TBC1D1: variants seen among roughly 807,000 people sequenced by gnomAD.
TBC1D1 encodes the protein TBC1 domain family member 1.
In TBC1D1, 89 loss-of-function variants were observed where a neutral mutation model predicts 125.6. The ratio of observed to expected loss-of-function variants is 0.71; its 90% confidence interval spans 0.60 to 0.85. The LOEUF is 0.85. Ranked by LOEUF, TBC1D1 falls within the 40% of genes least tolerant of loss-of-function variation. The pLI is 0.00. For missense variants in TBC1D1, 1,377 were observed against 1,469.2 expected (o/e 0.94, Z 1.03); for synonymous variants, 565 against 564.1 (o/e 1.00, Z -0.02).
At chr4:37,959,346 T>C (rs1324750282) in intron 2 of TBC1D1, among the ~76,000 whole-genome samples, 1 of 152,194 alleles carries the variant, frequency 6.6e-6, no homozygotes, top group Non-Finnish European at 1.5e-5. Flanking sequence ...AAAATGTTAT[T>C]AAGAAAAATC....
At chr4:38,069,382 A>G (rs150098278) in intron 12 of TBC1D1, among the ~76,000 whole-genome samples, 1 of 152,218 alleles carries the variant, frequency 6.6e-6, no homozygotes, top group Non-Finnish European at 1.5e-5. Context: ...GGGAACGCTC[A>G]GGAAGCAGAT....
At chr4:37,970,807 A>G (rs927361312) in intron 2 of TBC1D1, among the ~76,000 whole-genome samples, 3 of 152,192 alleles carry the variant, frequency 2.0e-5, no homozygotes, top group African/African-American at 7.2e-5. Context: ...AGTGGTTCTG[A>G]TTCACTTGAA....
intron 12 of TBC1D1, among the ~76,000 whole-genome samples, chr4:38,083,274 T>C (rs943188313): frequency 6.6e-5 from 10 of 152,238 alleles, no homozygotes; most frequent in African/African-American, 2.4e-4. Flanking sequence ...CCAATTAATA[T>C]GTGGATTGAC....
intron 15 of TBC1D1, among the ~76,000 whole-genome samples, chr4:38,105,469 C>T (rs944470332): frequency 2.0e-5 from 3 of 152,070 alleles, no homozygotes; most frequent in South Asian, 2.1e-4. Flanking sequence ...TCCAGGATTG[C>T]GTATGCAGGT....
At chr4:37,957,124 A>G (rs1729095073) in intron 2 of TBC1D1, among the ~76,000 whole-genome samples, 1 of 152,160 alleles carries the variant, frequency 6.6e-6, no homozygotes, top group Non-Finnish European at 1.5e-5. Context: ...TCCCTACGTG[A>G]GATGGGAGAA....
At chr4:38,005,647 A>G (rs1739993959) in intron 2 of TBC1D1, among the ~76,000 whole-genome samples, 1 of 152,182 alleles carries the variant, frequency 6.6e-6, no homozygotes, top group Non-Finnish European at 1.5e-5. Flanking sequence ...GGAAAGCTTT[A>G]TCTTTTACCT....
chr4:38,021,170 G>A (rs1025912793), intron 5 of TBC1D1, among the ~76,000 whole-genome samples: 38 of 152,304 alleles, frequency 2.5e-4, no homozygotes, highest in Non-Finnish European at 3.8e-4. Flanking sequence ...ATGGCAGCAG[G>A]CAGGGCAGCG....
intron 2 of TBC1D1, among the ~76,000 whole-genome samples, chr4:37,980,672 C>T (rs1412820799): frequency 6.6e-6 from 1 of 152,176 alleles, no homozygotes; most frequent in Non-Finnish European, 1.5e-5. Flanking sequence ...TGCTGTGTTT[C>T]AAATCCAAGT....
chr4:38,024,939 G>A (rs773663083), intron 6 of TBC1D1, among the ~76,000 whole-genome samples: 2 of 152,114 alleles, frequency 1.3e-5, no homozygotes, highest in Middle Eastern at 3.2e-3. Flanking sequence ...AATCAATAAC[G>A]CTGTTGATGT....
chr4:38,015,000 G>A lies in TBC1D1; in HGVS notation c.882+27G>A. On this transcript the variant is annotated intron_variant, in intron 3 of 19. Coordinates refer to ENST00000261439, the MANE Select transcript of TBC1D1 (RefSeq NM_015173.4). The surrounding 1 kb of genome is among the most constrained non-coding windows in gnomAD (Gnocchi z 5.1). ...TAAAATATCACCCAGCTCGTGCACA[G>A]CCCCAGTCTGCCATACGCTTTCAAG... The A allele has an allele frequency of 6.7e-7, 1 of 1,501,008 alleles. No individual in the cohort carries two copies. The highest frequency in any genetic ancestry group is 8.9e-7 in the Non-Finnish European group (1 of 1,119,186). 93.0% of individuals were successfully genotyped at this position (1,501,008 alleles called of 1,614,324 possible). A position where few individuals can be genotyped will look rare whatever the true frequency, so the allele number is the denominator to read the frequency against.
At chr4:37,918,620 C>G (rs1262924861) in intron 2 of TBC1D1, among the ~76,000 whole-genome samples, 1 of 151,884 alleles carries the variant, frequency 6.6e-6, no homozygotes, top group Non-Finnish European at 1.5e-5. Context: ...GCTAATTTTT[C>G]TATTTTTAGT....
intron 6 of TBC1D1, among the ~76,000 whole-genome samples, chr4:38,022,788 G>T (rs765063310): frequency 1.3e-5 from 2 of 152,164 alleles, no homozygotes; most frequent in Non-Finnish European, 2.9e-5. Flanking sequence ...AGGTGAAGGA[G>T]TTTTCACCAC....
chr4:38,115,583 A>G, intron 15 of TBC1D1, 127 bp from the exon 18 acceptor site: 2 of 963,066 alleles, frequency 2.1e-6, no homozygotes, highest in Non-Finnish European at 3.1e-6. Flanking sequence ...AGTGGCAAAG[A>G]CTGATTGATA....
chr4:38,072,530 A>G (rs9991158), intron 12 of TBC1D1, among the ~76,000 whole-genome samples: 13,489 of 152,260 alleles, frequency 0.089, 1,503 homozygotes, highest in African/African-American at 0.26. Context: ...GAGAGGAAAA[A>G]GGGTCATGTA....
intron 15 of TBC1D1, among the ~76,000 whole-genome samples, chr4:38,108,989 A>G (rs1304410639): frequency 1.3e-5 from 2 of 152,178 alleles, no homozygotes; most frequent in Non-Finnish European, 2.9e-5. Flanking sequence ...CACACAGAGC[A>G]GCATCGTGCA....
At chr4:37,935,352 C>T (rs1724172426) in intron 2 of TBC1D1, among the ~76,000 whole-genome samples, 1 of 152,204 alleles carries the variant, frequency 6.6e-6, no homozygotes, top group African/African-American at 2.4e-5. Context: ...ACATGCTCAA[C>T]TGAAGTCATT....
At chr4:38,040,893 G>C (rs147768324) in intron 8 of TBC1D1, among the ~76,000 whole-genome samples, 1 of 152,204 alleles carries the variant, frequency 6.6e-6, no homozygotes, top group East Asian at 1.9e-4. Flanking sequence ...TACCTTAGGC[G>C]TGTATTTCCC....
intron 12 of TBC1D1, among the ~76,000 whole-genome samples, chr4:38,072,019 C>T (rs542267910): frequency 1.3e-5 from 2 of 152,276 alleles, no homozygotes; most frequent in South Asian, 4.2e-4. Flanking sequence ...GCTGCTGGTG[C>T]CACAGCAGTC....
At chr4:37,962,079 G>A (rs1039260153) in intron 2 of TBC1D1, among the ~76,000 whole-genome samples, 6 of 152,152 alleles carry the variant, frequency 3.9e-5, no homozygotes, top group Non-Finnish European at 5.9e-5. Context: ...GCCCCATGAG[G>A]GCAGGGACCA....
Sources: gnomAD v4.1 joint callset for allele counts (sites outside exome capture counted in the v4.1 genomes callset) on GRCh38, gnomAD v4.1.1 for gene constraint, Gnocchi (gnomAD v3.1) non-coding constraint, MANE v1.5 for transcripts, NCBI Gene and HGNC (gene_info 2026-07-23, HGNC 2026-07-21) for gene names.